The following QKI variants were observed in gnomAD, a reference collection of about 807,000 sequenced individuals.
QKI encodes the protein KH domain-containing RNA-binding protein QKI.
In QKI, 10 loss-of-function variants were observed where a neutral mutation model predicts 39.0. The ratio of observed to expected loss-of-function variants is 0.26; its 90% CI spans 0.16 to 0.43. The LOEUF (loss-of-function observed/expected upper bound fraction) is 0.43. Among genes scored for constraint, QKI ranks in the 20% least tolerant of loss-of-function variants. QKI has a pLI of 1.00. For missense variants in QKI, 218 were observed against 428.0 expected (o/e 0.51, Z 4.33); for synonymous variants, 204 against 155.4 (o/e 1.31, Z -2.33).
chr6:163,483,937 A>G (rs1793271623), intron 3 of QKI, among the ~76,000 whole-genome samples: 1 of 152,234 alleles, frequency 6.6e-6, no homozygotes, highest in Non-Finnish European at 1.5e-5. Flanking sequence ...AAGGCTTGAA[A>G]GTCTAAATTA....
At chr6:163,515,686 C>G (rs896001241) in intron 3 of QKI, among the ~76,000 whole-genome samples, 1 of 152,124 alleles carries the variant, frequency 6.6e-6, no homozygotes, top group Non-Finnish European at 1.5e-5. Context: ...GGGAAACTTA[C>G]ATATAATGAT....
intron 3 of QKI, among the ~76,000 whole-genome samples, chr6:163,495,812 A>T (rs1778371975): frequency 6.6e-6 from 1 of 152,116 alleles, no homozygotes; most frequent in Non-Finnish European, 1.5e-5. Context: ...TTAAAAAGTG[A>T]TGTTGTGTCC....
chr6:163,545,058 T>A (rs903828111), intron 4 of QKI, among the ~76,000 whole-genome samples: 1 of 152,112 alleles, frequency 6.6e-6, no homozygotes, highest in Non-Finnish European at 1.5e-5. Flanking sequence ...CATGTAGTCC[T>A]TACCAGAGAT....
chr6:163,552,905 TACA>T (rs1171509498), intron 4 of QKI, among the ~76,000 whole-genome samples: 2 of 151,860 alleles, frequency 1.3e-5, no homozygotes, highest in Admixed American at 6.6e-5. Flanking sequence ...AGGCAATCAT[TACA>T]ACATCTTTTA....
chr6:163,479,278 C>T (rs368744567), intron 3 of QKI, among the ~76,000 whole-genome samples: 13 of 152,130 alleles, frequency 8.5e-5, no homozygotes, highest in African/African-American at 2.9e-4. Flanking sequence ...AAAGCTCTGT[C>T]TCAAAAACGA....
chr6:163,569,729 A>G (rs1783591161), intron 7 of QKI: 5 of 998,592 alleles, frequency 5.0e-6, no homozygotes, highest in East Asian at 1.1e-4. Context: ...AAATATAAAA[A>G]TATAAAGCAG....
intron 2 of QKI, among the ~76,000 whole-genome samples, chr6:163,463,432 A>G (rs1455765679): frequency 2.0e-5 from 3 of 152,190 alleles, no homozygotes; most frequent in Non-Finnish European, 2.9e-5. Flanking sequence ...CACTCAAAAC[A>G]TACTGCAGCA....
rs1783753903 is a variant in QKI at position 163,572,614 on chromosome 6, A to G, written c.*1904A>G. On this transcript the variant is annotated 3_prime_UTR_variant, in exon 8 of 8. Transcript: ENST00000361752. ...TGCAAAGCCTACATCTAAACACTTG[A>G]GTGAATAATCATTAACTGCTCAGTA... 1 of 149,176 alleles carries G rather than the reference A, an allele frequency of 6.7e-6. No individual in the cohort carries two copies. The highest frequency in any genetic ancestry group is 1.5e-5 in the Non-Finnish European group (1 of 67,586). The allele number at this position is 149,176 out of a possible 1,614,324, so 9.2% of individuals were successfully genotyped here.
intron 4 of QKI, among the ~76,000 whole-genome samples, chr6:163,552,522 T>G (rs1229496555): frequency 6.6e-6 from 1 of 152,128 alleles, no homozygotes. Context: ...ATAAAGTTCT[T>G]TATCCTAATC....
At chr6:163,513,979 G>A (rs548506128) in intron 3 of QKI, among the ~76,000 whole-genome samples, 2 of 152,108 alleles carry the variant, frequency 1.3e-5, no homozygotes, top group African/African-American at 4.8e-5. Context: ...CAGGGCCAAG[G>A]TCCCCACAAT....
intron 2 of QKI, among the ~76,000 whole-genome samples, chr6:163,462,448 TTTTC>T (rs1242555869): frequency 3.9e-5 from 6 of 152,188 alleles, no homozygotes; most frequent in African/African-American, 1.4e-4. Flanking sequence ...TGGTATAATA[TTTTC>T]TTTATTATTT....
At chr6:163,497,372 A>G (rs1324785800) in intron 3 of QKI, among the ~76,000 whole-genome samples, 1 of 152,130 alleles carries the variant, frequency 6.6e-6, no homozygotes, top group Non-Finnish European at 1.5e-5. Context: ...TTATTGACTT[A>G]AAATTTTTAA....
chr6:163,529,677 C>T (rs528030511), intron 3 of QKI, among the ~76,000 whole-genome samples: 1 of 152,084 alleles, frequency 6.6e-6, no homozygotes, highest in Non-Finnish European at 1.5e-5. Context: ...CTGAGCCTAT[C>T]GTGGGAAGTG....
chr6:163,534,595 T>A (rs1000727008), intron 3 of QKI, among the ~76,000 whole-genome samples: 1 of 152,158 alleles, frequency 6.6e-6, no homozygotes, highest in African/African-American at 2.4e-5. Context: ...ATAAGTAAAA[T>A]GCAGAAATAA....
At chr6:163,514,615 C>CTAAG (rs1268310055) in intron 3 of QKI, among the ~76,000 whole-genome samples, 1 of 152,068 alleles carries the variant, frequency 6.6e-6, no homozygotes, top group African/African-American at 2.4e-5. Context: ...TGGAATTAGA[C>CTAAG]TAAGCTATTT....
intron 3 of QKI, among the ~76,000 whole-genome samples, chr6:163,492,425 G>GGGGC (rs1245134353): frequency 2.6e-5 from 4 of 152,094 alleles, no homozygotes; most frequent in Non-Finnish European, 5.9e-5. Context: ...CATAGTTTGT[G>GGGGC]GGGCTGTGTT....
At chr6:163,553,778 AG>A (rs1402624684) in intron 4 of QKI, among the ~76,000 whole-genome samples, 2 of 152,176 alleles carry the variant, frequency 1.3e-5, no homozygotes, top group East Asian at 3.9e-4. Flanking sequence ...TGTTGAAGAG[AG>A]GCAGAACATA....
At chr6:163,558,137 T>C (rs1462633825) in intron 4 of QKI, among the ~76,000 whole-genome samples, 3 of 152,284 alleles carry the variant, frequency 2.0e-5, no homozygotes, top group Non-Finnish European at 2.9e-5. Context: ...TGATCAGTTG[T>C]AATTTTTGAG....
At chr6:163,500,246 T>C (rs901396445) in intron 3 of QKI, among the ~76,000 whole-genome samples, 4 of 152,180 alleles carry the variant, frequency 2.6e-5, no homozygotes, top group African/African-American at 9.7e-5. Flanking sequence ...TGATATGATA[T>C]TTATTTTTAG....
Sources: allele counts gnomAD v4.1 joint callset (sites outside exome capture counted in the v4.1 genomes callset), GRCh38; gene constraint gnomAD v4.1.1; transcripts MANE v1.5; gene names NCBI Gene and HGNC (gene_info 2026-07-23, HGNC 2026-07-21).